SNX9: variants seen among roughly 807,000 people sequenced by gnomAD.
The protein encoded by SNX9 is sorting nexin 9.
Under a neutral mutation model 89.4 loss-of-function variants are expected in SNX9, and 44 were observed. The observed-to-expected ratio is 0.49, with a 90% CI of 0.39 to 0.63. The LOEUF is 0.63. Ranked by LOEUF, SNX9 falls within the 30% of genes least tolerant of loss-of-function variation. SNX9 has a pLI of 0.00. For missense variants in SNX9, 578 were observed against 736.1 expected (o/e 0.79, Z 2.49); for synonymous variants, 236 against 247.8 (o/e 0.95, Z 0.45).
chr6:157,824,106 T>A (rs1000734889), intron 1 of SNX9, among the ~76,000 whole-genome samples: 2 of 152,350 alleles, frequency 1.3e-5, no homozygotes, highest in African/African-American at 4.8e-5. Flanking sequence ...TTCGATTACG[T>A]GTTTGCCTGA....
At chr6:157,824,072 T>C (rs1009323664) in intron 1 of SNX9, among the ~76,000 whole-genome samples, 1 of 152,216 alleles carries the variant, frequency 6.6e-6, no homozygotes. Context: ...ATGAATAAAA[T>C]ATCAAGAGGG....
At chr6:157,860,962 A>C (rs1782108622) in intron 1 of SNX9, among the ~76,000 whole-genome samples, 1 of 152,220 alleles carries the variant, frequency 6.6e-6, no homozygotes, top group Non-Finnish European at 1.5e-5. Context: ...GAAATTTCCC[A>C]AACTGCTTGT....
chr6:157,844,115 T>C (rs1040334156), intron 1 of SNX9, among the ~76,000 whole-genome samples: 1 of 152,138 alleles, frequency 6.6e-6, no homozygotes, highest in Non-Finnish European at 1.5e-5. Context: ...CCCCAAGCTG[T>C]CTGCCCACCT....
At chr6:157,878,328 C>G (rs1284712883) in intron 4 of SNX9, among the ~76,000 whole-genome samples, 1 of 152,014 alleles carries the variant, frequency 6.6e-6, no homozygotes, top group Non-Finnish European at 1.5e-5. Context: ...TTTAAATGGA[C>G]TGAAACAGTT....
At chr6:157,837,193 T>C (rs1347678669) in intron 1 of SNX9, among the ~76,000 whole-genome samples, 1 of 152,248 alleles carries the variant, frequency 6.6e-6, no homozygotes, top group Non-Finnish European at 1.5e-5. Context: ...CTTGTAGTGT[T>C]GTCAGTAACT....
chr6:157,841,387 A>G (rs781120734), intron 1 of SNX9, among the ~76,000 whole-genome samples: 4 of 152,170 alleles, frequency 2.6e-5, no homozygotes, highest in Non-Finnish European at 4.4e-5. Flanking sequence ...GTACACAGCA[A>G]TCCTGGAGGT....
intron 1 of SNX9, among the ~76,000 whole-genome samples, chr6:157,839,894 C>T (rs1213388706): frequency 6.6e-6 from 1 of 152,216 alleles, no homozygotes. Context: ...GCGTGAATCT[C>T]TGCAAAGCTC....
chr6:157,928,531 G>A, intron 11 of SNX9, 68 bp from the exon 12 acceptor site: 1 of 1,216,362 alleles, frequency 8.2e-7, no homozygotes. Context: ...GGTTATATTT[G>A]GCCCGAGTAT....
intron 10 of SNX9, among the ~76,000 whole-genome samples, chr6:157,926,157 G>T (rs766083106): frequency 6.6e-6 from 1 of 152,146 alleles, no homozygotes; most frequent in Non-Finnish European, 1.5e-5. Flanking sequence ...TCAAACCATA[G>T]CAGAAAAGCA....
chr6:157,920,535 G>A (rs886648059), intron 9 of SNX9, among the ~76,000 whole-genome samples: 3 of 152,222 alleles, frequency 2.0e-5, no homozygotes, highest in Non-Finnish European at 4.4e-5. Context: ...GGAGACAGGA[G>A]CAGCCTCCCA....
intron 3 of SNX9, 179 bp from the exon 4 acceptor site, chr6:157,874,872 C>A: frequency 1.8e-6 from 1 of 542,758 alleles, no homozygotes. Context: ...ATAGTTTGAA[C>A]TAAATAAAAA....
chr6:157,826,855 T>A (rs55901229), intron 1 of SNX9, among the ~76,000 whole-genome samples: 1,357 of 82,648 alleles, frequency 0.016, 193 homozygotes, highest in African/African-American at 0.036. Context: ...ATTTTATATA[T>A]AAATATATAT....
chr6:157,835,404 T>C (rs986770143), intron 1 of SNX9, among the ~76,000 whole-genome samples: 2 of 150,448 alleles, frequency 1.3e-5, no homozygotes, highest in Admixed American at 1.3e-4. Flanking sequence ...TAAAAACCCA[T>C]TCCCCTTCTT....
intron 6 of SNX9, among the ~76,000 whole-genome samples, chr6:157,904,136 C>G (rs1298691622): frequency 6.6e-6 from 1 of 152,040 alleles, no homozygotes; most frequent in Non-Finnish European, 1.5e-5. Flanking sequence ...TACTTGAGCA[C>G]TATAAGAATT....
At chr6:157,904,358 C>T (rs189257760) in intron 6 of SNX9, among the ~76,000 whole-genome samples, 5 of 151,968 alleles carry the variant, frequency 3.3e-5, no homozygotes, top group Non-Finnish European at 5.9e-5. Flanking sequence ...CGCTTGAACC[C>T]GGGAGACGGA....
chr6:157,867,639 A>G lies in SNX9; in HGVS notation c.99+6A>G, dbSNP rs1188813782. 6 of 1,605,762 alleles carry G rather than the reference A, an allele frequency of 3.7e-6. No individual in the cohort carries two copies. Among genetic ancestry groups the G allele is most frequent in the Non-Finnish European group, 5.1e-6 (6 of 1,174,068 alleles). Reference sequence around the variant, plus strand: ...TCATCACAATCACAAATCCGGTAAGAGAACTGTACATTCGAGTCTGATTGT... The same window carrying G: ...TCATCACAATCACAAATCCGGTAAGGGAACTGTACATTCGAGTCTGATTGT... On this transcript the variant is annotated splice_donor_region_variant and intron_variant, in intron 2 of 17. Transcript: ENST00000392185.
chr6:157,840,326 G>C (rs16900468), intron 1 of SNX9, among the ~76,000 whole-genome samples: 1 of 135,322 alleles, frequency 7.4e-6, no homozygotes, highest in Admixed American at 7.1e-5. Context: ...AGGCGACCAC[G>C]GGGGCTTTGA....
chr6:157,922,778 T>C (rs960951844), intron 10 of SNX9, among the ~76,000 whole-genome samples: 8 of 152,248 alleles, frequency 5.3e-5, no homozygotes, highest in Admixed American at 5.2e-4. Flanking sequence ...CCTCACCATG[T>C]CTTATGAATT....
chr6:157,916,077 C>T (rs921527520), intron 9 of SNX9, among the ~76,000 whole-genome samples: 1 of 151,582 alleles, frequency 6.6e-6, no homozygotes, highest in African/African-American at 2.4e-5. Context: ...CTCTGTCGCC[C>T]AGGCTGGAGT....
Sources: allele counts gnomAD v4.1 joint callset (sites outside exome capture counted in the v4.1 genomes callset), GRCh38; gene constraint gnomAD v4.1.1; transcripts MANE v1.5; gene names NCBI Gene and HGNC (gene_info 2026-07-23, HGNC 2026-07-21).